DSCAM: variants seen among roughly 807,000 people sequenced by gnomAD.
DSCAM encodes the protein cell adhesion molecule DSCAM.
In DSCAM, 47 loss-of-function variants were observed where a neutral mutation model predicts 217.7. That is an observed-to-expected ratio of 0.22 (90% CI 0.17 to 0.28). DSCAM has a LOEUF of 0.28. Ranked by LOEUF, DSCAM falls within the 10% of genes least tolerant of loss-of-function variation. The pLI is 1.00. For missense variants in DSCAM, 2,080 were observed against 2,618.3 expected (o/e 0.79, Z 4.49); for synonymous variants, 1,056 against 1,015.3 (o/e 1.04, Z -0.76).
At chr21:40,474,901 A>G (rs977073624) in intron 3 of DSCAM, among the ~76,000 whole-genome samples, 1 of 152,060 alleles carries the variant, frequency 6.6e-6, no homozygotes, top group African/African-American at 2.4e-5. Context: ...GACCCAGTGC[A>G]GGCAGACCCA....
chr21:40,730,756 C>A (rs1209835254), intron 1 of DSCAM, among the ~76,000 whole-genome samples: 1 of 152,144 alleles, frequency 6.6e-6, no homozygotes, highest in Admixed American at 6.5e-5. Flanking sequence ...CCCCAGATTT[C>A]AAATCAGTAG....
intron 3 of DSCAM, among the ~76,000 whole-genome samples, chr21:40,560,011 T>C (rs571261168): frequency 6.8e-4 from 104 of 152,230 alleles, no homozygotes; most frequent in Non-Finnish European, 1.2e-3. Flanking sequence ...GCCAGGATGG[T>C]CTCGATCTCC....
intron 3 of DSCAM, among the ~76,000 whole-genome samples, chr21:40,596,259 C>T (rs907214027): frequency 3.7e-4 from 56 of 152,276 alleles, no homozygotes; most frequent in African/African-American, 1.3e-3. Flanking sequence ...TCTGCAGGAT[C>T]GGTACCACTC....
chr21:40,236,329 C>T (rs759175152), intron 11 of DSCAM, among the ~76,000 whole-genome samples: 12 of 152,148 alleles, frequency 7.9e-5, no homozygotes, highest in African/African-American at 2.4e-4. Flanking sequence ...TGAAGAGCAT[C>T]GGAGCTCTGG....
At chr21:40,133,527 C>T (rs907013532) in intron 19 of DSCAM, among the ~76,000 whole-genome samples, 1 of 151,296 alleles carries the variant, frequency 6.6e-6, no homozygotes, top group East Asian at 1.9e-4. Flanking sequence ...ATTATTCTAA[C>T]AAGATACAAA....
At chr21:40,044,041 G>T in intron 31 of DSCAM, 37 bp downstream of exon 31, 6 of 1,609,262 alleles carry the variant, frequency 3.7e-6, no homozygotes, top group Non-Finnish European at 5.1e-6. Context: ...GGGCCGTGCT[G>T]GTCCCCAGGG....
intron 1 of DSCAM, among the ~76,000 whole-genome samples, chr21:40,720,674 G>GAA (rs66520372): frequency 7.2e-5 from 10 of 139,612 alleles, no homozygotes; most frequent in African/African-American, 1.6e-4. Flanking sequence ...AGACAGTACA[G>GAA]AAAAAAAAAA....
At position 40,124,312 on chromosome 21, in the gene DSCAM, C is replaced by T. The variant is rs372182078; in HGVS notation, c.3579G>A (p.Ala1193=). The T allele has an allele frequency of 1.6e-5, 26 of 1,613,744 alleles. No homozygotes were observed. The highest frequency in any genetic ancestry group is 1.6e-4 in the Middle Eastern group (1 of 6,072). The change falls in exon 20 of 33, where the codon GCG becomes GCA. Residue 1193 remains alanine (A), a synonymous_variant. Transcript: ENST00000400454. The stretch of plus-strand genomic sequence containing the variant: ...CTGAGGCCGCCGCTGCCTTCACACC[C>T]GCGGGAGGACCTGGAACTGGAAGAG... ...RTKEDVPGPP[A]GVKAAAASAS...
At chr21:40,657,043 G>C (rs777938742) in intron 3 of DSCAM, among the ~76,000 whole-genome samples, 1 of 152,284 alleles carries the variant, frequency 6.6e-6, no homozygotes, top group Non-Finnish European at 1.5e-5. Flanking sequence ...GCTCAATAAA[G>C]ATTTTTAAAC....
chr21:40,843,331 C>T (rs1304331875), intron 1 of DSCAM, among the ~76,000 whole-genome samples: 1 of 150,924 alleles, frequency 6.6e-6, no homozygotes, highest in Admixed American at 6.6e-5. Context: ...ACTGAAAATC[C>T]CACAGCTCAG....
intron 3 of DSCAM, among the ~76,000 whole-genome samples, chr21:40,549,014 A>G (rs1456536078): frequency 3.3e-5 from 5 of 152,252 alleles, no homozygotes; most frequent in Admixed American, 1.3e-4. Flanking sequence ...GACCAGCCTG[A>G]GCAACATGGT....
chr21:40,772,963 A>G (rs1031778586), intron 1 of DSCAM, among the ~76,000 whole-genome samples: 4 of 152,248 alleles, frequency 2.6e-5, no homozygotes, highest in African/African-American at 9.6e-5. Context: ...CCAGCAGCCC[A>G]CAGTCAGTAA....
chr21:40,240,351 T>G (rs889933896), intron 11 of DSCAM, among the ~76,000 whole-genome samples: 19 of 120,722 alleles, frequency 1.6e-4, no homozygotes, highest in African/African-American at 6.7e-4. Context: ...CCTCACTGGT[T>G]TTTTTTTTTT....
At chr21:40,185,836 C>T (rs1235785244) in intron 14 of DSCAM, among the ~76,000 whole-genome samples, 1 of 152,102 alleles carries the variant, frequency 6.6e-6, no homozygotes, top group Non-Finnish European at 1.5e-5. Context: ...CTTGGGTGAG[C>T]CCCCCAGGTC....
chr21:40,695,508 G>A (rs1267930739), intron 2 of DSCAM, among the ~76,000 whole-genome samples: 6 of 152,140 alleles, frequency 3.9e-5, no homozygotes, highest in Admixed American at 2.6e-4. Flanking sequence ...TCAGTCCCAA[G>A]AAGCCCAGAT....
intron 3 of DSCAM, among the ~76,000 whole-genome samples, chr21:40,662,280 A>AT (rs199873302): frequency 0.012 from 1,774 of 152,114 alleles, 34 homozygotes; most frequent in Admixed American, 0.051. Context: ...AGTTCTCTAC[A>AT]TTTTTTTCCT....
At chr21:40,494,965 A>T (rs2076106323) in intron 3 of DSCAM, among the ~76,000 whole-genome samples, 1 of 152,146 alleles carries the variant, frequency 6.6e-6, no homozygotes, top group Non-Finnish European at 1.5e-5. Context: ...ATGAACAGTT[A>T]TACACCAACA....
chr21:40,458,834 A>G lies in DSCAM; in HGVS notation c.509-89589T>C, dbSNP rs141526676. Among the ~76,000 whole-genome samples the G allele has an allele frequency of 2.4e-3, 358 of 152,254 alleles. 2 individuals carry two copies. Among genetic ancestry groups the G allele is most frequent in the African/African-American group, 8.3e-3 (345 of 41,570 alleles). ...TAGGTCACAAAGAGAAGTTCATTAAATATTTCCCCACAAAGTTAGAACTTA... is the reference window on the plus strand; with the variant it reads ...TAGGTCACAAAGAGAAGTTCATTAAGTATTTCCCCACAAAGTTAGAACTTA... On this transcript the variant is annotated intron_variant, in intron 3 of 32. Transcript: ENST00000400454.
At chr21:40,283,457 T>G (rs2073788708) in intron 10 of DSCAM, among the ~76,000 whole-genome samples, 1 of 152,228 alleles carries the variant, frequency 6.6e-6, no homozygotes, top group Non-Finnish European at 1.5e-5. Flanking sequence ...TCTTATTTAT[T>G]GCAAATATAT....
Sources: allele counts gnomAD v4.1 joint callset (sites outside exome capture counted in the v4.1 genomes callset), GRCh38; gene constraint gnomAD v4.1.1; transcripts MANE v1.5; gene names NCBI Gene and HGNC (gene_info 2026-07-23, HGNC 2026-07-21).